ENPEP: variants seen among roughly 807,000 people sequenced by gnomAD.
The protein encoded by ENPEP is glutamyl aminopeptidase.
In ENPEP, 103 loss-of-function variants were observed where a neutral mutation model predicts 114.5. The ratio of observed to expected loss-of-function variants is 0.90; its 90% CI spans 0.77 to 1.06. The LOEUF is 1.06. Ranked by LOEUF, ENPEP falls within the 50% of genes least tolerant of loss-of-function variation. The pLI is 0.00. For missense variants in ENPEP, 1,196 were observed against 1,161.3 expected (o/e 1.03, Z -0.43); for synonymous variants, 420 against 422.0 (o/e 1.00, Z 0.06).
intron 19 of ENPEP, 58 bp downstream of exon 19, chr4:110,559,783 A>G (rs1424662125): frequency 7.0e-7 from 1 of 1,431,820 alleles, no homozygotes; most frequent in Non-Finnish European, 9.7e-7. Context: ...AACTTTTTTA[A>G]AAAAAATTTT....
intron 4 of ENPEP, among the ~76,000 whole-genome samples, chr4:110,508,440 T>C (rs964182732): frequency 6.6e-6 from 1 of 152,160 alleles, no homozygotes; most frequent in African/African-American, 2.4e-5. Context: ...TGAGATAACA[T>C]GAAAAGGAAA....
At chr4:110,536,575 G>A (rs1323204138) in intron 11 of ENPEP, among the ~76,000 whole-genome samples, 1 of 152,196 alleles carries the variant, frequency 6.6e-6, no homozygotes, top group Non-Finnish European at 1.5e-5. Context: ...AAAGGGAACT[G>A]TGTGGTAAAC....
intron 11 of ENPEP, among the ~76,000 whole-genome samples, chr4:110,540,230 A>G (rs1425070226): frequency 6.6e-6 from 1 of 152,180 alleles, no homozygotes; most frequent in Non-Finnish European, 1.5e-5. Context: ...AGGATTGCTA[A>G]TCATAAAAAC....
intron 1 of ENPEP, among the ~76,000 whole-genome samples, chr4:110,483,719 G>A (rs1346740360): frequency 1.3e-5 from 2 of 152,142 alleles, no homozygotes; most frequent in African/African-American, 2.4e-5. Context: ...TGCCTGGCGC[G>A]ATAATTATTC....
chr4:110,508,727 C>T (rs527478159), intron 4 of ENPEP, among the ~76,000 whole-genome samples: 2 of 152,286 alleles, frequency 1.3e-5, no homozygotes, highest in East Asian at 3.9e-4. Flanking sequence ...TGGAGAATGG[C>T]GTGAACCCAG....
chr4:110,537,210 A>G (rs906715559), intron 11 of ENPEP, among the ~76,000 whole-genome samples: 1 of 152,210 alleles, frequency 6.6e-6, no homozygotes, highest in Non-Finnish European at 1.5e-5. Context: ...TTGGTGCATT[A>G]ATTGACCCTT....
chr4:110,513,438 T>C lies in ENPEP; in HGVS notation c.1332T>C (p.Asp444=), dbSNP rs542764730. The change falls in exon 7 of 20, where the codon GAT becomes GAC. Residue 444 remains aspartate (D), a synonymous_variant. Transcript: ENST00000265162. ...WQMRDQMLLE[D]VLPVQEDDSL... is the part of the protein sequence containing the mutation. ...AGCGTGACCAAATGTTACTTGAAGA[T>C]GTATTACCTGTTCAAGAGGATGATT... 5 of 1,612,968 alleles carry C rather than the reference T, an allele frequency of 3.1e-6. No individual in the cohort carries two copies. The South Asian group carries it at 5.5e-5, about 18-fold the overall frequency.
chr4:110,549,744 T>A lies in ENPEP; in HGVS notation c.2359T>A (p.Tyr787Asn). The change falls in exon 17 of 20, where the codon TAT becomes AAT. Residue 787 changes from tyrosine (Y) to asparagine (N), a missense_variant. Tyr to Asn is a moderately radical substitution (Grantham distance 143, BLOSUM62 -2). Coordinates refer to ENST00000265162, the MANE Select transcript of ENPEP (RefSeq NM_001977.4). ...SLPVNLRLLV[Y>N]RYGMQNSGNE... ...TCCCGTAAATCTCAGGCTTCTGGTG[T>A]ATCGGTATGGGATGCAGAACTCTGG... The A allele has an allele frequency of 6.2e-7, 1 of 1,613,238 alleles. No individual in the cohort carries two copies. Among genetic ancestry groups the A allele is most frequent in the Non-Finnish European group, 8.5e-7 (1 of 1,179,544 alleles).
At position 110,542,905 on chromosome 4, in the gene ENPEP, T is replaced by C. The variant is rs748149374; in HGVS notation, c.1944+18T>C. On this transcript the variant is annotated intron_variant, in intron 12 of 19. Transcript: ENST00000265162. ...ACCACAAGGTAAGAGATAGCAATGG[T>C]TGGAAACTTTTATTTTTGTTCTAAG... The C allele has an allele frequency of 3.1e-6, 5 of 1,610,720 alleles. No homozygotes were observed. The highest frequency in any genetic ancestry group is 1.7e-5 in the Admixed American group (1 of 59,482).
chr4:110,563,892 G>A lies in ENPEP; in HGVS notation c.*2334G>A, dbSNP rs1377744866. 2 of 152,110 alleles carry A rather than the reference G, an allele frequency of 1.3e-5. No homozygotes were observed. Among genetic ancestry groups the A allele is most frequent in the African/African-American group, 4.8e-5 (2 of 41,412 alleles). The allele number at this position is 152,110 out of a possible 1,614,324, so 9.4% of individuals were successfully genotyped here. A position where few individuals can be genotyped will look rare whatever the true frequency, so the allele number is the denominator to read the frequency against. ...GGAAACAGGGGTGAGATGTATACCT[G>A]GGTTGAAGGTAATGATACTCCTACA... On this transcript the variant is annotated 3_prime_UTR_variant, in exon 20 of 20. Coordinates refer to ENST00000265162, the MANE Select transcript of ENPEP (RefSeq NM_001977.4).
Position 110,525,371 on chromosome 4 carries a change from C to A in ENPEP, c.1727+5005C>A, listed in dbSNP as rs74516096. On this transcript the variant is annotated intron_variant, in intron 10 of 19. Coordinates refer to ENST00000265162, the MANE Select transcript of ENPEP (RefSeq NM_001977.4). ...CCCCTCCTAGAGTGGATACTGGCAGCGTAGCACATCACTAGTCCTCTGGAC... is the reference window on the plus strand; with the variant it reads ...CCCCTCCTAGAGTGGATACTGGCAGAGTAGCACATCACTAGTCCTCTGGAC... Among the ~76,000 whole-genome samples the A allele has an allele frequency of 2.0e-3, 306 of 152,282 alleles. 3 individuals carry two copies. In the East Asian group the frequency reaches 0.03, roughly 15 times the overall value.
intron 17 of ENPEP, among the ~76,000 whole-genome samples, chr4:110,550,937 C>T (rs183052687): frequency 5.8e-4 from 88 of 152,040 alleles, no homozygotes; most frequent in South Asian, 3.3e-3. Flanking sequence ...CTCCTGCTCT[C>T]TGCCATGACA....
In ENPEP at chr4:110,559,627, T is replaced by C; in HGVS notation, c.2643-20T>C. The C allele has an allele frequency of 1.3e-6, 2 of 1,559,650 alleles. No individual in the cohort carries two copies. The highest frequency in any genetic ancestry group is 1.8e-6 in the Non-Finnish European group (2 of 1,132,208). On this transcript the variant is annotated intron_variant, in intron 18 of 19. Transcript: ENST00000265162. ...CATTCTGAGCACTTACACTTCCTTT[T>C]ACTCTAAATTTCTCTCCAGATATAC...
chr4:110,479,059 A>G (rs1349497771), intron 1 of ENPEP, among the ~76,000 whole-genome samples: 1 of 152,208 alleles, frequency 6.6e-6, no homozygotes, highest in African/African-American at 2.4e-5. Flanking sequence ...ATTATAGGAA[A>G]ACATAAATTC....
intron 10 of ENPEP, among the ~76,000 whole-genome samples, chr4:110,529,407 A>G: frequency 6.6e-6 from 1 of 152,188 alleles, no homozygotes; most frequent in Non-Finnish European, 1.5e-5. Flanking sequence ...CGAAATGATC[A>G]TGTGTGTGAA....
chr4:110,487,346 G>A (rs1724542732), intron 1 of ENPEP, among the ~76,000 whole-genome samples: 1 of 152,180 alleles, frequency 6.6e-6, no homozygotes, highest in Non-Finnish European at 1.5e-5. Context: ...CCCAAAATTA[G>A]TTCGGCCTAT....
At chr4:110,537,415 C>T (rs186871617) in intron 11 of ENPEP, among the ~76,000 whole-genome samples, 1 of 152,310 alleles carries the variant, frequency 6.6e-6, no homozygotes, top group African/African-American at 2.4e-5. Context: ...GCTTTCTTTG[C>T]TCACCCATAA....
At chr4:110,484,374 T>C (rs1354590172) in intron 1 of ENPEP, among the ~76,000 whole-genome samples, 1 of 152,118 alleles carries the variant, frequency 6.6e-6, no homozygotes, top group African/African-American at 2.4e-5. Flanking sequence ...GAATGTTTGC[T>C]CTTAGAAAAG....
intron 19 of ENPEP, 112 bp from the exon 20 acceptor site, chr4:110,561,294 A>G (rs1727668462): frequency 9.4e-7 from 1 of 1,063,936 alleles, no homozygotes; most frequent in Non-Finnish European, 1.4e-6. Flanking sequence ...AACGTTGTGC[A>G]GTGATACTGA....
Sources: gnomAD v4.1 joint callset for allele counts (sites outside exome capture counted in the v4.1 genomes callset) on GRCh38, gnomAD v4.1.1 for gene constraint, MANE v1.5 for transcripts, NCBI Gene and HGNC (gene_info 2026-07-23, HGNC 2026-07-21) for gene names.